Variants in GNG12 observed in about 807,000 individuals in gnomAD.
GNG12 encodes the protein G protein subunit gamma 12, also known as guanine nucleotide-binding protein G(I)/G(S)/G(O) subunit gamma-12.
For synonymous variants in GNG12, 28 were observed against 29.7 expected (o/e 0.94, Z 0.19); for missense variants, 69 against 83.8 (o/e 0.82, Z 0.69).
At chr1:67,716,083 G>C (rs760095577) in intron 2 of GNG12, among the ~76,000 whole-genome samples, 2 of 152,206 alleles carry the variant, frequency 1.3e-5, no homozygotes, top group Non-Finnish European at 2.9e-5. Flanking sequence ...CTGGCTTACA[G>C]GCAAGGCAAA....
At chr1:67,761,052 G>A (rs957129909) in intron 2 of GNG12, among the ~76,000 whole-genome samples, 3 of 152,198 alleles carry the variant, frequency 2.0e-5, no homozygotes, top group Non-Finnish European at 4.4e-5. Context: ...CTGAAATAAA[G>A]TTGTGCTAGA....
chr1:67,822,200 C>T (rs1460994364), intron 1 of GNG12, among the ~76,000 whole-genome samples: 2 of 151,676 alleles, frequency 1.3e-5, no homozygotes, highest in African/African-American at 4.8e-5. Flanking sequence ...TCTGTAAGCT[C>T]ATAAGCTGTC....
chr1:67,787,073 A>ATATATGTGTATATCTGTGT (rs1646775253), intron 1 of GNG12, among the ~76,000 whole-genome samples: 1 of 81,770 alleles, frequency 1.2e-5, no homozygotes, highest in Non-Finnish European at 2.8e-5. Context: ...GTGTGTGTAT[A>ATATATGTGTATATCTGTGT]GTCCCCCTCC....
chr1:67,787,983 GC>G (rs763397649), intron 1 of GNG12, among the ~76,000 whole-genome samples: 35 of 152,144 alleles, frequency 2.3e-4, no homozygotes, highest in Non-Finnish European at 1.2e-4. Context: ...AGTTTGTGAG[GC>G]ACATGAAGTG....
intron 1 of GNG12, among the ~76,000 whole-genome samples, chr1:67,789,458 A>G (rs1024617931): frequency 3.9e-5 from 6 of 152,228 alleles, no homozygotes; most frequent in African/African-American, 1.2e-4. Flanking sequence ...AAAATTTAGC[A>G]GTATTTTTTA....
chr1:67,819,018 A>G (rs1377034337), intron 1 of GNG12, among the ~76,000 whole-genome samples: 1 of 152,070 alleles, frequency 6.6e-6, no homozygotes, highest in Non-Finnish European at 1.5e-5. Context: ...GAAGTGACCC[A>G]CTGAAATTTA....
At chr1:67,749,056 G>A (rs1362079944) in intron 2 of GNG12, among the ~76,000 whole-genome samples, 1 of 152,116 alleles carries the variant, frequency 6.6e-6, no homozygotes, top group Non-Finnish European at 1.5e-5. Flanking sequence ...GGGAGGAGGT[G>A]GGGAACAACC....
At chr1:67,771,136 C>T (rs1001596612) in intron 2 of GNG12, among the ~76,000 whole-genome samples, 1 of 152,110 alleles carries the variant, frequency 6.6e-6, no homozygotes, top group African/African-American at 2.4e-5. Flanking sequence ...TACAACATAC[C>T]TCCCTGAATA....
chr1:67,717,424 G>C (rs1646332342), intron 2 of GNG12, among the ~76,000 whole-genome samples: 1 of 151,712 alleles, frequency 6.6e-6, no homozygotes, highest in South Asian at 2.1e-4. Flanking sequence ...GCTGAGGCAG[G>C]AGAATCCCTT....
At chr1:67,830,509 G>A (rs764833413) in intron 1 of GNG12, among the ~76,000 whole-genome samples, 3 of 152,124 alleles carry the variant, frequency 2.0e-5, no homozygotes, top group Non-Finnish European at 4.4e-5. Flanking sequence ...ATACCCTTGG[G>A]TCACATGTTT....
chr1:67,789,622 CATAG>C (rs557739808), intron 1 of GNG12, among the ~76,000 whole-genome samples: 169 of 152,310 alleles, frequency 1.1e-3, no homozygotes, highest in Non-Finnish European at 2.1e-3. Context: ...TTGCATCAGA[CATAG>C]ATAGAATCAC....
In GNG12 at chr1:67,760,034, G is replaced by A. The variant is rs999155822; in HGVS notation, c.-27+17424C>T. Among the ~76,000 whole-genome samples, 8 of 152,352 alleles carry A rather than the reference G, an allele frequency of 5.3e-5. No homozygotes were observed. In the South Asian group the frequency reaches 1.4e-3, roughly 28 times the overall value. ...CTTCAAAGCTTTAGCAGTTGGCGTG[G>A]CAAGGAACAGAAAAGCAGCATTTTA... is the stretch of plus-strand genomic sequence containing the variant. On this transcript the variant is annotated intron_variant, in intron 2 of 3. Transcript: ENST00000370982.
intron 1 of GNG12, among the ~76,000 whole-genome samples, chr1:67,793,547 T>A (rs980993412): frequency 2.7e-4 from 41 of 152,166 alleles, no homozygotes; most frequent in Non-Finnish European, 3.1e-4. Context: ...TTTTTTTTTT[T>A]AAACTACAAA....
intron 2 of GNG12, among the ~76,000 whole-genome samples, chr1:67,740,460 A>G (rs1209329021): frequency 5.3e-5 from 8 of 152,248 alleles, no homozygotes; most frequent in Non-Finnish European, 1.0e-4. Context: ...TTGCCCTTCA[A>G]TGGCAGAGTT....
intron 1 of GNG12, among the ~76,000 whole-genome samples, chr1:67,809,152 A>T (rs186866776): frequency 2.0e-5 from 3 of 152,302 alleles, no homozygotes; most frequent in Admixed American, 6.5e-5. Flanking sequence ...GTCTTTGACA[A>T]AGAAGCAAAG....
At chr1:67,801,786 T>G (rs1317108314) in intron 1 of GNG12, among the ~76,000 whole-genome samples, 2 of 152,200 alleles carry the variant, frequency 1.3e-5, no homozygotes, top group Non-Finnish European at 2.9e-5. Flanking sequence ...GTTCCGTATC[T>G]GCAGAATGGG....
chr1:67,811,955 T>C (rs1045880126), intron 1 of GNG12, among the ~76,000 whole-genome samples: 8 of 152,148 alleles, frequency 5.3e-5, no homozygotes, highest in African/African-American at 1.9e-4. Flanking sequence ...GAAACTTACA[T>C]AGGCTGACAA....
intron 1 of GNG12, among the ~76,000 whole-genome samples, chr1:67,824,463 T>C (rs572429488): frequency 4.0e-4 from 59 of 147,664 alleles, no homozygotes; most frequent in Non-Finnish European, 7.0e-4. Context: ...TGAGCCATGA[T>C]TGTGCCACTG....
chr1:67,724,737 T>C (rs1467782722), intron 2 of GNG12, among the ~76,000 whole-genome samples: 1 of 152,124 alleles, frequency 6.6e-6, no homozygotes, highest in African/African-American at 2.4e-5. Context: ...GCATCTACAG[T>C]GATAGAAACT....
Sources: gnomAD v4.1 joint callset for allele counts (sites outside exome capture counted in the v4.1 genomes callset) on GRCh38, gnomAD v4.1.1 for gene constraint, MANE v1.5 for transcripts, NCBI Gene and HGNC (gene_info 2026-07-23, HGNC 2026-07-21) for gene names.